The following CYSLTR2 variants were observed in gnomAD, a reference collection of about 807,000 sequenced individuals.
CYSLTR2 encodes the protein cysteinyl leukotriene receptor 2, also known as G-protein coupled receptor GPCR21.
For synonymous variants in CYSLTR2, 179 were observed against 160.8 expected (o/e 1.11, Z -0.86); for missense variants, 398 against 411.9 (o/e 0.97, Z 0.29).
At chr13:48,695,467 C>G (rs1954160402) in intron 3 of CYSLTR2, among the ~76,000 whole-genome samples, 1 of 150,904 alleles carries the variant, frequency 6.6e-6, no homozygotes, top group Admixed American at 6.6e-5. Flanking sequence ...CTAGGCTCAT[C>G]TCAAACTCCT....
chr13:48,680,135 C>A (rs111432107), intron 1 of CYSLTR2, among the ~76,000 whole-genome samples: 2,957 of 152,282 alleles, frequency 0.019, 85 homozygotes, highest in African/African-American at 0.062. Flanking sequence ...TGTCTAATTG[C>A]ACACTGCTTG....
Position 48,709,526 on chromosome 13 carries a change from G to A in CYSLTR2, c.*1668G>A, listed in dbSNP as rs1222991405. 2 of 153,158 alleles carry A rather than the reference G, an allele frequency of 1.3e-5. No homozygotes were observed. The highest frequency in any genetic ancestry group is 2.4e-5 in the African/African-American group (1 of 41,434). 9.5% of individuals were successfully genotyped at this position (153,158 alleles called of 1,614,324 possible). A position where few individuals can be genotyped will look rare whatever the true frequency, so the allele number is the denominator to read the frequency against. On this transcript the variant is annotated 3_prime_UTR_variant, in exon 5 of 5. Coordinates refer to ENST00000682523, the MANE Select transcript of CYSLTR2 (RefSeq NM_001308476.3). ...TTGAGGATCCTTCAACACAAAAGCT[G>A]CGTGTCTGCCCTATTACTCACCTGA...
At position 48,706,997 on chromosome 13, in the gene CYSLTR2, A is replaced by G. The variant is rs764987046; in HGVS notation, c.180A>G (p.Ile60Met). ...FWGVLGNGLS[I>M]YVFLQPYKKS... The stretch of plus-strand genomic sequence containing the variant: ...GAGTCTTGGGAAATGGGTTGTCCAT[A>G]TATGTTTTCCTGCAGCCTTATAAGA... Residue 60 changes from isoleucine to methionine, a missense_variant, in exon 5 of 5, where the codon ATA becomes ATG. Ile to Met is a conservative substitution (Grantham distance 10). Transcript: ENST00000682523. The G allele has an allele frequency of 6.2e-7, 1 of 1,614,126 alleles. No homozygotes were observed. Among genetic ancestry groups the G allele is most frequent in the Non-Finnish European group, 8.5e-7 (1 of 1,180,040 alleles).
At chr13:48,694,706 C>T (rs1954122247) in intron 3 of CYSLTR2, 2 of 152,176 alleles carry the variant, frequency 1.3e-5, no homozygotes, top group Non-Finnish European at 2.9e-5. Context: ...TGTAATGGAA[C>T]AAGTTGGCTT....
In CYSLTR2 at chr13:48,667,248, G is replaced by A. The variant is rs186331966; in HGVS notation, c.-266+13231G>A. Reference sequence around the variant, plus strand: ...GTGATAGCCAGATGTGGGCTTCCTGGGCTGTTTCTCAGGTAAAGGGAATGT... The same window carrying A: ...GTGATAGCCAGATGTGGGCTTCCTGAGCTGTTTCTCAGGTAAAGGGAATGT... On this transcript the variant is annotated intron_variant, in intron 1 of 4. Coordinates refer to ENST00000682523, the MANE Select transcript of CYSLTR2 (RefSeq NM_001308476.3). Among the ~76,000 whole-genome samples the A allele has an allele frequency of 3.6e-3, 553 of 152,300 alleles. 2 individuals carry two copies. Among genetic ancestry groups the A allele is most frequent in the Non-Finnish European group, 5.4e-3 (366 of 68,020 alleles).
At position 48,689,633 on chromosome 13, in the gene CYSLTR2, C is replaced by T. The variant is rs144515758; in HGVS notation, c.-265-1579C>T. On this transcript the variant is annotated intron_variant, in intron 1 of 4. Coordinates refer to ENST00000682523, the MANE Select transcript of CYSLTR2 (RefSeq NM_001308476.3). ...CTATATATCTGTTTTTGTGCCAGTA[C>T]CACTCTGTTTTGGTTACTGTAGCTT... is the stretch of plus-strand genomic sequence containing the variant. Among the ~76,000 whole-genome samples, 15 of 152,292 alleles carry T rather than the reference C, an allele frequency of 9.8e-5. 1 individual carries two copies. In the East Asian group the frequency reaches 2.9e-3, roughly 29 times the overall value.
At position 48,710,132 on chromosome 13, in the gene CYSLTR2, G is replaced by C. The variant is rs78272382; in HGVS notation, c.*2274G>C. On this transcript the variant is annotated 3_prime_UTR_variant, in exon 5 of 5. Transcript: ENST00000682523. ...GAATAATATTTACATAGAGGATAATGTGAATATAATAGTCTCCCATTATCT... is the reference window on the plus strand; with the variant it reads ...GAATAATATTTACATAGAGGATAATCTGAATATAATAGTCTCCCATTATCT... 6.6e-6 allele frequency: 1 copy of C among 152,232 alleles called. No individual in the cohort carries two copies. Among genetic ancestry groups the C allele is most frequent in the Non-Finnish European group, 1.5e-5 (1 of 68,064 alleles). The allele number at this position is 152,232 out of a possible 1,614,324, so 9.4% of individuals were successfully genotyped here.
At chr13:48,700,973 A>G (rs1418413701) in intron 4 of CYSLTR2, among the ~76,000 whole-genome samples, 1 of 152,238 alleles carries the variant, frequency 6.6e-6, no homozygotes, top group Non-Finnish European at 1.5e-5. Flanking sequence ...CTCTTCAAGG[A>G]GAACTACAAA....
At chr13:48,695,265 C>G (rs1954147278) in intron 3 of CYSLTR2, among the ~76,000 whole-genome samples, 1 of 148,740 alleles carries the variant, frequency 6.7e-6, no homozygotes, top group Non-Finnish European at 1.5e-5. Context: ...CTTTTTTTTT[C>G]CTTTTCTTTT....
In CYSLTR2 at chr13:48,696,560, A is replaced by C. The variant is rs1325539752; in HGVS notation, c.-68A>C. 2.0e-5 allele frequency: 3 copies of C among 152,164 alleles called. No homozygotes were observed. The highest frequency in any genetic ancestry group is 4.4e-5 in the Non-Finnish European group (3 of 68,032). The allele number at this position is 152,164 out of a possible 1,614,324, so 9.4% of individuals were successfully genotyped here. ...GGTTCCAAGATGGCTGAATAGGAAG[A>C]GCTCCAATCTGCAGATCCCAGTGTG... On this transcript the variant is annotated 5_prime_UTR_variant, in exon 4 of 5. Coordinates refer to ENST00000682523, the MANE Select transcript of CYSLTR2 (RefSeq NM_001308476.3).
At chr13:48,690,225 C>T (rs1353248852) in intron 1 of CYSLTR2, among the ~76,000 whole-genome samples, 2 of 152,126 alleles carry the variant, frequency 1.3e-5, no homozygotes, top group East Asian at 3.8e-4. Flanking sequence ...TCCTCTCTTC[C>T]TATTTGGATA....
At chr13:48,667,391 G>A (rs1304976461) in intron 1 of CYSLTR2, among the ~76,000 whole-genome samples, 1 of 152,226 alleles carries the variant, frequency 6.6e-6, no homozygotes, top group Non-Finnish European at 1.5e-5. Flanking sequence ...GGGGGGTGGA[G>A]GGCATGCCTG....
intron 1 of CYSLTR2, among the ~76,000 whole-genome samples, chr13:48,678,091 AGAG>A (rs1410018508): frequency 2.0e-5 from 3 of 152,078 alleles, no homozygotes; most frequent in African/African-American, 4.8e-5. Flanking sequence ...TGAAATGTGG[AGAG>A]GAGATCTGCA....
At chr13:48,664,457 G>A (rs1375136225) in intron 1 of CYSLTR2, among the ~76,000 whole-genome samples, 1 of 151,790 alleles carries the variant, frequency 6.6e-6, no homozygotes, top group Non-Finnish European at 1.5e-5. Flanking sequence ...GAAGCCATCT[G>A]GTGTTTCTTT....
intron 1 of CYSLTR2, among the ~76,000 whole-genome samples, chr13:48,665,084 G>A (rs1375476633): frequency 1.3e-5 from 2 of 151,954 alleles, no homozygotes; most frequent in Admixed American, 6.6e-5. Context: ...TTATTCAGAA[G>A]CATGTTGCTT....
chr13:48,685,884 G>A (rs1292945641), intron 1 of CYSLTR2, among the ~76,000 whole-genome samples: 1 of 152,158 alleles, frequency 6.6e-6, no homozygotes, highest in Non-Finnish European at 1.5e-5. Flanking sequence ...GGGAAATTCT[G>A]TGTATATCAG....
At chr13:48,703,915 G>C (rs1954414814) in intron 4 of CYSLTR2, among the ~76,000 whole-genome samples, 1 of 152,028 alleles carries the variant, frequency 6.6e-6, no homozygotes, top group Non-Finnish European at 1.5e-5. Flanking sequence ...TAATAGTTAT[G>C]GGGATATTCA....
rs187108373 is a variant in CYSLTR2 at position 48,680,405 on chromosome 13, T to A, written c.-265-10807T>A. 1.2e-3 allele frequency among the ~76,000 whole-genome samples: 180 copies of A among 152,318 alleles called. 1 individual carries two copies. The highest frequency in any genetic ancestry group is 1.8e-4 in the Non-Finnish European group (12 of 68,020). On this transcript the variant is annotated intron_variant, in intron 1 of 4. Transcript: ENST00000682523. ...CAGCTTTGCTATCACTGTGACAACA[T>A]TCTAAGCATCGACGTAAGCTATTCA... is the stretch of plus-strand genomic sequence containing the variant.
intron 1 of CYSLTR2, among the ~76,000 whole-genome samples, chr13:48,688,268 C>CT (rs989173659): frequency 1.3e-5 from 2 of 151,348 alleles, no homozygotes; most frequent in East Asian, 3.9e-4. Context: ...ACCTCTTCTT[C>CT]TTTTTTTTTA....
Sources: gnomAD v4.1 joint callset for allele counts (sites outside exome capture counted in the v4.1 genomes callset) on GRCh38, gnomAD v4.1.1 for gene constraint, MANE v1.5 for transcripts, NCBI Gene and HGNC (gene_info 2026-07-23, HGNC 2026-07-21) for gene names.